GPD2: variants seen among roughly 807,000 people sequenced by gnomAD.
GPD2 encodes glycerol-3-phosphate dehydrogenase, mitochondrial.
A neutral mutation model predicts 82.4 loss-of-function variants in GPD2; 54 were observed. That is an observed-to-expected ratio of 0.66 (90% CI 0.53 to 0.82). The LOEUF (loss-of-function observed/expected upper bound fraction) is 0.82, where lower values mean the gene tolerates loss of function less well. GPD2 is among the 40% of genes least tolerant of loss of function. The probability of loss-of-function intolerance (pLI) is 0.00; values close to 1 mark genes in which losing one functional copy is unlikely to be tolerated. For synonymous variants in GPD2, 288 were observed against 306.1 expected, an observed-to-expected ratio of 0.94 and a Z score of 0.62; for missense variants, 748 against 896.2, an observed-to-expected ratio of 0.83 and a Z score of 2.11.
chr2:156,537,539 G>A (rs889905808), intron 6 of GPD2, among the ~76,000 whole-genome samples: 1 of 152,142 alleles, frequency 6.6e-6, no homozygotes, highest in Non-Finnish European at 1.5e-5. Context: ...TTTCAATTTG[G>A]TGTGACATTG....
At chr2:156,548,193 A>G (rs1189707849) in intron 6 of GPD2, among the ~76,000 whole-genome samples, 2 of 152,206 alleles carry the variant, frequency 1.3e-5, no homozygotes, top group Non-Finnish European at 2.9e-5. Flanking sequence ...AATGTATTCC[A>G]ATTTTAAGCA....
At chr2:156,503,315 A>AT (rs1306168289) in intron 3 of GPD2, among the ~76,000 whole-genome samples, 2 of 152,154 alleles carry the variant, frequency 1.3e-5, no homozygotes, top group African/African-American at 2.4e-5. Context: ...GCCTTTGCCC[A>AT]TTTTTAGACC....
At chr2:156,414,163 C>T in the GPD2 span, among the ~76,000 whole-genome samples, 5 of 152,154 alleles carry the variant, frequency 3.3e-5, no homozygotes, top group Non-Finnish European at 7.4e-5. Flanking sequence ...GTTATTCTCA[C>T]TCTTCCATTT....
At chr2:156,540,007 G>T (rs984581730) in intron 6 of GPD2, among the ~76,000 whole-genome samples, 2 of 152,096 alleles carry the variant, frequency 1.3e-5, no homozygotes, top group African/African-American at 4.8e-5. Flanking sequence ...TCAGGTTTTT[G>T]TTGCAGACAG....
At chr2:156,405,613 A>C in the GPD2 span, among the ~76,000 whole-genome samples, 1 of 152,212 alleles carries the variant, frequency 6.6e-6, no homozygotes, top group East Asian at 1.9e-4. Context: ...ACTGTGTAGT[A>C]ATCCTGTTTC....
chr2:156,534,332 G>A lies in GPD2; in HGVS notation c.662-15276G>A, dbSNP rs1186422801. ...ATCTGCTCGAGGAGCCTGGGGTTTG[G>A]GGTTTATAATGGTACACGATGCAGG... On this transcript the variant is annotated intron_variant, in intron 6 of 16. Coordinates refer to ENST00000438166, the MANE Select transcript of GPD2 (RefSeq NM_000408.5). Among the ~76,000 whole-genome samples the A allele has an allele frequency of 3.3e-5, 5 of 152,156 alleles. No homozygotes were observed. In the East Asian group the frequency reaches 9.6e-4, roughly 29 times the overall value.
intron 1 of GPD2, among the ~76,000 whole-genome samples, chr2:156,475,790 T>C (rs1267382901): frequency 9.9e-5 from 15 of 152,232 alleles, no homozygotes; most frequent in Admixed American, 9.8e-4. Flanking sequence ...CCCAATGACA[T>C]TTCTTTTCAC....
At chr2:156,454,510 A>T (rs1444147590) in intron 1 of GPD2, among the ~76,000 whole-genome samples, 3 of 151,892 alleles carry the variant, frequency 2.0e-5, no homozygotes, top group African/African-American at 7.3e-5. Context: ...AAAAAGTGAT[A>T]ATATAACCAA....
intron 5 of GPD2, among the ~76,000 whole-genome samples, chr2:156,512,555 A>G (rs767742362): frequency 1.3e-5 from 2 of 152,180 alleles, no homozygotes; most frequent in Non-Finnish European, 2.9e-5. Flanking sequence ...TGTATTTGTA[A>G]TTAGTAGTTT....
At chr2:156,551,560 A>G (rs1686759873) in intron 8 of GPD2, among the ~76,000 whole-genome samples, 1 of 152,198 alleles carries the variant, frequency 6.6e-6, no homozygotes, top group African/African-American at 2.4e-5. Flanking sequence ...TAGTAATTCT[A>G]TATGAAATAA....
intron 6 of GPD2, among the ~76,000 whole-genome samples, chr2:156,549,223 G>A (rs1471698699): frequency 6.6e-6 from 1 of 152,188 alleles, no homozygotes; most frequent in Non-Finnish European, 1.5e-5. Flanking sequence ...CAGTTGGGGT[G>A]TCAAATATTC....
In GPD2 at chr2:156,557,419, G is replaced by A. The variant is rs756980310; in HGVS notation, c.1002G>A (p.Ala334=). 3.8e-5 allele frequency: 61 copies of A among 1,610,152 alleles called. No homozygotes were observed. The highest frequency in any genetic ancestry group is 5.3e-5 in the African/African-American group (4 of 74,834). Residue 334 remains alanine, a synonymous_variant, in exon 9 of 17, where the codon GCG becomes GCA. Coordinates refer to ENST00000438166, the MANE Select transcript of GPD2 (RefSeq NM_000408.5). ...SPESMGLLDP[A]TSDGRVIFFL... ...AGAGCATGGGACTTCTTGACCCAGC[G>A]ACCAGTGATGGGCGAGTTATTTTCT... is the stretch of plus-strand genomic sequence containing the variant.
intron 6 of GPD2, among the ~76,000 whole-genome samples, chr2:156,530,420 A>G (rs1685804243): frequency 6.6e-6 from 1 of 151,116 alleles, no homozygotes; most frequent in African/African-American, 2.4e-5. Context: ...AATACCCTTT[A>G]TTTCTTTCTC....
chr2:156,400,908 C>T, the GPD2 span, among the ~76,000 whole-genome samples: 1 of 152,116 alleles, frequency 6.6e-6, no homozygotes, highest in Non-Finnish European at 1.5e-5. Context: ...TACCCCATTA[C>T]TTGTACATAC....
chr2:156,541,832 T>TG (rs1686331602), intron 6 of GPD2, among the ~76,000 whole-genome samples: 3 of 144,526 alleles, frequency 2.1e-5, no homozygotes. Flanking sequence ...TTGTTTTTTT[T>TG]TTTTTTTTTT....
the GPD2 span, among the ~76,000 whole-genome samples, chr2:156,428,737 C>CATTTAACCATTCT: frequency 6.6e-6 from 1 of 152,206 alleles, no homozygotes; most frequent in Non-Finnish European, 1.5e-5. Context: ...CTACTTTACG[C>CATTTAACCATTCT]CTCCCTAAAG....
chr2:156,418,013 G>T, the GPD2 span, among the ~76,000 whole-genome samples: 1 of 151,954 alleles, frequency 6.6e-6, no homozygotes, highest in Non-Finnish European at 1.5e-5. Flanking sequence ...TCAGGAGTTC[G>T]AGACCAGCCT....
At chr2:156,464,729 C>T (rs1381565127) in intron 1 of GPD2, among the ~76,000 whole-genome samples, 1 of 152,058 alleles carries the variant, frequency 6.6e-6, no homozygotes, top group African/African-American at 2.4e-5. Context: ...AAAATTCAGT[C>T]ATAATTTAAA....
chr2:156,579,239 G>GC, intron 15 of GPD2, 75 bp downstream of exon 15: 1 of 825,974 alleles, frequency 1.2e-6, no homozygotes, highest in Non-Finnish European at 2.1e-6. Flanking sequence ...CTCATCTAGG[G>GC]TTTTCTACAA....
Sources: gnomAD v4.1 joint callset for allele counts (sites outside exome capture counted in the v4.1 genomes callset) on GRCh38, gnomAD v4.1.1 for gene constraint, MANE v1.5 for transcripts, NCBI Gene and HGNC (gene_info 2026-07-23, HGNC 2026-07-21) for gene names.